The following ITGA6 variants were observed in gnomAD, a reference collection of about 807,000 sequenced individuals.
ITGA6 encodes the protein integrin alpha-6.
ITGA6 carries 63 observed loss-of-function variants against 133.6 expected under a neutral mutation model. That is an observed-to-expected ratio of 0.47 (90% CI 0.38 to 0.58). The LOEUF is 0.58. Ranked by LOEUF, ITGA6 falls within the 20% of genes least tolerant of loss-of-function variation. The pLI is 0.00. For synonymous variants in ITGA6, 434 were observed against 482.0 expected (o/e 0.90, Z 1.30); for missense variants, 1,068 against 1,309.4 (o/e 0.82, Z 2.85).
chr2:172,483,096 C>T (rs1423250553), intron 11 of ITGA6, among the ~76,000 whole-genome samples: 3 of 152,022 alleles, frequency 2.0e-5, no homozygotes, highest in South Asian at 2.1e-4. Flanking sequence ...ACTCTAGGAT[C>T]GCGAAGAGAG....
chr2:172,502,163 A>T (rs1687375931), intron 25 of ITGA6, among the ~76,000 whole-genome samples: 1 of 152,178 alleles, frequency 6.6e-6, no homozygotes, highest in Non-Finnish European at 1.5e-5. Context: ...GAAAATTTGC[A>T]ATATTTGTAC....
At chr2:172,427,486 T>G (rs1313920065), upstream of ITGA6, 8 of 1,041,684 alleles carry the variant, frequency 7.7e-6, no homozygotes, top group Admixed American at 3.5e-4. Flanking sequence ...GTGCGGGCGG[T>G]GCGCCGGGCC....
intron 2 of ITGA6, 164 bp downstream of exon 2, chr2:172,465,827 A>C: frequency 1.0e-6 from 1 of 1,001,230 alleles, no homozygotes; most frequent in Non-Finnish European, 1.5e-6. Context: ...TACTTACTTT[A>C]CTTCTGAATC....
chr2:172,449,942 A>AAAAG lies in ITGA6; in HGVS notation c.183-15596_183-15595insAAGA, dbSNP rs1559122167. 2.0e-5 allele frequency among the ~76,000 whole-genome samples: 3 copies of AAAAG among 147,252 alleles called. 1 individual carries two copies. The highest frequency in any genetic ancestry group is 7.6e-5 in the African/African-American group (3 of 39,704). ...CTCTCCAAAAAAAAAAAAAAAAAAA[A>AAAAG]AGAGAGAGAAGAGGATGGTGGAGTT... is the stretch of plus-strand genomic sequence containing the variant. On this transcript the variant is annotated intron_variant, in intron 1 of 25. Coordinates refer to ENST00000684293, the MANE Select transcript of ITGA6 (RefSeq NM_000210.4).
At chr2:172,427,996 C>G (rs375279228) in intron 1 of ITGA6, 26 bp downstream of exon 1, 13 of 1,588,512 alleles carry the variant, frequency 8.2e-6, no homozygotes, top group South Asian at 3.4e-5. Context: ...CTTCCCACCC[C>G]CACTGGGGCG....
chr2:172,444,674 T>C (rs80353656), intron 1 of ITGA6, among the ~76,000 whole-genome samples: 6,904 of 130,210 alleles, frequency 0.053, 291 homozygotes, highest in East Asian at 0.24. Flanking sequence ...AACCTGTAAA[T>C]AGCTTTGCCC....
At chr2:172,433,143 G>A (rs77282844) in intron 1 of ITGA6, among the ~76,000 whole-genome samples, 11,904 of 152,156 alleles carry the variant, frequency 0.078, 564 homozygotes, top group East Asian at 0.25. Flanking sequence ...CTCAGCCCCC[G>A]GTGCCCATCT....
intron 1 of ITGA6, among the ~76,000 whole-genome samples, chr2:172,451,106 G>T (rs920297732): frequency 2.6e-5 from 4 of 151,252 alleles, no homozygotes; most frequent in Non-Finnish European, 5.9e-5. Context: ...CGTAAGCCAA[G>T]ATTGCACCAC....
intron 1 of ITGA6, among the ~76,000 whole-genome samples, chr2:172,442,914 T>G (rs768037132): frequency 6.6e-6 from 1 of 152,196 alleles, no homozygotes; most frequent in Non-Finnish European, 1.5e-5. Flanking sequence ...TCATTTTCTC[T>G]GCAAGATTTT....
intron 11 of ITGA6, 72 bp downstream of exon 11, chr2:172,480,123 A>C (rs1249567049): frequency 2.1e-6 from 2 of 936,366 alleles, no homozygotes; most frequent in African/African-American, 3.2e-5. Flanking sequence ...TAAATCACAG[A>C]AAAATAAAAC....
In ITGA6 at chr2:172,501,765, C is replaced by CT. The variant is rs1268728203; in HGVS notation, c.3115-5dup. 6 of 1,611,696 alleles carry CT rather than the reference C, an allele frequency of 3.7e-6. No individual in the cohort carries two copies. The highest frequency in any genetic ancestry group is 5.1e-6 in the Non-Finnish European group (6 of 1,179,322). ...TAAAATTGACTAAATACCTTGCTTC[C>CT]TTGTAGTGTGGTTTCTTCAAGAGAA... is the stretch of plus-strand genomic sequence containing the variant. On this transcript the variant is annotated splice_polypyrimidine_tract_variant and splice_region_variant and intron_variant, in intron 24 of 25. Transcript: ENST00000684293.
At chr2:172,485,510 C>T (rs1052592170) in intron 13 of ITGA6, among the ~76,000 whole-genome samples, 3 of 152,140 alleles carry the variant, frequency 2.0e-5, no homozygotes, top group South Asian at 2.1e-4. Context: ...TATAACCTAT[C>T]GAGACTATAA....
intron 1 of ITGA6, among the ~76,000 whole-genome samples, chr2:172,437,627 A>T (rs1276712985): frequency 6.6e-6 from 1 of 152,188 alleles, no homozygotes; most frequent in East Asian, 1.9e-4. Context: ...CAGTTGAGTA[A>T]GCAGCTGAGT....
chr2:172,432,755 A>G (rs1559110750), intron 1 of ITGA6, among the ~76,000 whole-genome samples: 1 of 152,342 alleles, frequency 6.6e-6, no homozygotes, highest in East Asian at 1.9e-4. Context: ...CCAGAAATAC[A>G]GGCTGACCTA....
chr2:172,443,108 C>A (rs1248990307), intron 1 of ITGA6, among the ~76,000 whole-genome samples: 1 of 152,188 alleles, frequency 6.6e-6, no homozygotes, highest in Non-Finnish European at 1.5e-5. Flanking sequence ...GTTTTACCAG[C>A]TTACTGTGAA....
chr2:172,472,730 AATT>A (rs752826896), intron 5 of ITGA6: 1 of 1,258,550 alleles, frequency 7.9e-7, no homozygotes, highest in Non-Finnish European at 1.2e-6. Flanking sequence ...TACCAAGCAT[AATT>A]ACTTTTTCTT....
chr2:172,457,448 G>T (rs1320493150), intron 1 of ITGA6, among the ~76,000 whole-genome samples: 2 of 152,148 alleles, frequency 1.3e-5, no homozygotes, highest in Non-Finnish European at 2.9e-5. Flanking sequence ...ATTGCTCTCT[G>T]ATGAAGTAAT....
chr2:172,480,401 G>T (rs960241510), intron 11 of ITGA6, among the ~76,000 whole-genome samples: 13 of 152,186 alleles, frequency 8.5e-5, no homozygotes, highest in Admixed American at 4.6e-4. Flanking sequence ...GTGGCTGGTG[G>T]TTGTGAGGTG....
chr2:172,431,223 C>T (rs747604148), intron 1 of ITGA6, among the ~76,000 whole-genome samples: 8 of 152,266 alleles, frequency 5.3e-5, no homozygotes, highest in Admixed American at 3.3e-4. Flanking sequence ...TCATCTAGTC[C>T]AACTGCCTCT....
Sources: allele counts gnomAD v4.1 joint callset (sites outside exome capture counted in the v4.1 genomes callset), GRCh38; gene constraint gnomAD v4.1.1; transcripts MANE v1.5; gene names NCBI Gene and HGNC (gene_info 2026-07-23, HGNC 2026-07-21).